The following RAD54B variants were observed in gnomAD, a reference collection of about 807,000 sequenced individuals.
RAD54B encodes RAD54 homolog B, also known as DNA repair and recombination protein RAD54B.
A neutral mutation model predicts 95.8 loss-of-function variants in RAD54B; 78 were observed. The ratio of observed to expected loss-of-function variants is 0.81; its 90% CI spans 0.68 to 0.98. RAD54B has a LOEUF of 0.98. Among genes scored for constraint, RAD54B ranks in the 50% least tolerant of loss-of-function variants. RAD54B has a pLI of 0.00. For missense variants in RAD54B, 957 were observed against 1,056.6 expected (o/e 0.91, Z 1.31); for synonymous variants, 328 against 354.9 (o/e 0.92, Z 0.85).
chr8:94,374,948 G>A (rs1188970463), intron 14 of RAD54B, among the ~76,000 whole-genome samples: 1 of 152,140 alleles, frequency 6.6e-6, no homozygotes, highest in Non-Finnish European at 1.5e-5. Flanking sequence ...TTCGTAATAA[G>A]AGAATAGCAA....
At chr8:94,395,014 T>G (rs1811110123) in intron 8 of RAD54B, among the ~76,000 whole-genome samples, 1 of 152,170 alleles carries the variant, frequency 6.6e-6, no homozygotes, top group Non-Finnish European at 1.5e-5. Context: ...ACATTTATGT[T>G]GGTATATATT....
chr8:94,421,954 C>T (rs758911151), intron 3 of RAD54B, among the ~76,000 whole-genome samples: 2 of 152,190 alleles, frequency 1.3e-5, no homozygotes, highest in Admixed American at 1.3e-4. Flanking sequence ...TGCTTAAAAT[C>T]CATGAGTCCT....
intron 2 of RAD54B, among the ~76,000 whole-genome samples, chr8:94,466,325 C>T (rs556447582): frequency 1.3e-5 from 2 of 152,172 alleles, no homozygotes; most frequent in African/African-American, 2.4e-5. Flanking sequence ...TATATACTAA[C>T]GCCTTTGATC....
intron 8 of RAD54B, among the ~76,000 whole-genome samples, chr8:94,394,407 AT>A (rs59691545): frequency 0.4 from 61,096 of 151,228 alleles, 12,435 homozygotes; most frequent in Admixed American, 0.51. Context: ...TAAACTCAGA[AT>A]TTTTTTTTTC....
intron 3 of RAD54B, chr8:94,431,833 A>G: frequency 9.6e-7 from 1 of 1,037,646 alleles, no homozygotes; most frequent in South Asian, 4.1e-5. Flanking sequence ...TTGAAAGAAT[A>G]TGTGTTTGTA....
At chr8:94,433,503 T>G (rs1812171905) in intron 3 of RAD54B, among the ~76,000 whole-genome samples, 1 of 152,094 alleles carries the variant, frequency 6.6e-6, no homozygotes, top group African/African-American at 2.4e-5. Context: ...ACAGATATAT[T>G]AAAGGTTTAT....
chr8:94,417,769 T>C (rs530271725), intron 3 of RAD54B, among the ~76,000 whole-genome samples: 1 of 152,344 alleles, frequency 6.6e-6, no homozygotes, highest in South Asian at 2.1e-4. Flanking sequence ...CCTGAAAATT[T>C]ATCACTACTA....
intron 8 of RAD54B, among the ~76,000 whole-genome samples, chr8:94,394,188 C>A (rs1218441457): frequency 3.9e-5 from 6 of 152,118 alleles, no homozygotes; most frequent in Non-Finnish European, 7.3e-5. Context: ...ATCACTTACT[C>A]CCTGAGTGAC....
intron 3 of RAD54B, among the ~76,000 whole-genome samples, chr8:94,440,051 G>A (rs1298635910): frequency 6.6e-6 from 1 of 152,088 alleles, no homozygotes; most frequent in East Asian, 1.9e-4. Context: ...ATGTTTTGGG[G>A]TAAAATATTT....
intron 1 of RAD54B, among the ~76,000 whole-genome samples, chr8:94,468,278 C>A (rs935690499): frequency 7.9e-5 from 12 of 152,172 alleles, no homozygotes; most frequent in African/African-American, 2.7e-4. Flanking sequence ...CCATTAGCTA[C>A]CCATTTTTCC....
At chr8:94,454,839 T>C (rs371755744) in intron 3 of RAD54B, among the ~76,000 whole-genome samples, 3 of 152,228 alleles carry the variant, frequency 2.0e-5, no homozygotes, top group African/African-American at 7.2e-5. Flanking sequence ...CTAACTTATC[T>C]GAGAATTTAT....
intron 3 of RAD54B, chr8:94,428,968 T>C: frequency 4.1e-6 from 4 of 982,704 alleles, no homozygotes; most frequent in Non-Finnish European, 4.8e-6. Flanking sequence ...TATACAGGAA[T>C]TCTCATAAAC....
intron 3 of RAD54B, among the ~76,000 whole-genome samples, chr8:94,422,549 T>C (rs1170364225): frequency 8.4e-6 from 1 of 118,610 alleles, no homozygotes; most frequent in East Asian, 2.9e-4. Flanking sequence ...AACATTCCAC[T>C]GGCACTCCAG....
chr8:94,429,724 T>C, intron 3 of RAD54B: 1 of 983,852 alleles, frequency 1.0e-6, no homozygotes, highest in Non-Finnish European at 1.2e-6. Context: ...GTCAAAAGGA[T>C]ATATCAAGTT....
At position 94,411,454 on chromosome 8, in the gene RAD54B, T is replaced by C. The variant is rs147498978; in HGVS notation, c.305-139A>G. 8.3e-4 allele frequency: 534 copies of C among 646,224 alleles called. 1 individual carries two copies. In the African/African-American group the frequency reaches 8.8e-3, roughly 11 times the overall value. The allele number at this position is 646,224 out of a possible 1,614,324, so 40.0% of individuals were successfully genotyped here. ...ATGAAAGAATATTTGATCATACTCA[T>C]GTTAGCATTTTATAAACTAAGAAAT... On this transcript the variant is annotated intron_variant, in intron 3 of 14. Coordinates refer to ENST00000336148, the MANE Select transcript of RAD54B (RefSeq NM_012415.3).
At chr8:94,469,214 T>C (rs773531661) in intron 1 of RAD54B, among the ~76,000 whole-genome samples, 1 of 152,138 alleles carries the variant, frequency 6.6e-6, no homozygotes, top group East Asian at 1.9e-4. Context: ...TGAACGGTGA[T>C]ACAGTTTGGC....
intron 3 of RAD54B, among the ~76,000 whole-genome samples, chr8:94,413,902 C>G (rs1400539533): frequency 2.1e-5 from 3 of 141,634 alleles, no homozygotes; most frequent in African/African-American, 8.0e-5. Flanking sequence ...GTGGTGTGAT[C>G]TCGGCTGACT....
intron 8 of RAD54B, among the ~76,000 whole-genome samples, chr8:94,398,647 T>C (rs921256373): frequency 6.6e-6 from 1 of 152,024 alleles, no homozygotes; most frequent in African/African-American, 2.4e-5. Context: ...AATAGGGGAA[T>C]TGTAAATATT....
At chr8:94,384,859 T>C (rs1810831273) in intron 11 of RAD54B, among the ~76,000 whole-genome samples, 1 of 152,044 alleles carries the variant, frequency 6.6e-6, no homozygotes, top group African/African-American at 2.4e-5. Context: ...TCCCAACACT[T>C]TGGGAGACTG....
Sources: gnomAD v4.1 joint callset for allele counts (sites outside exome capture counted in the v4.1 genomes callset) on GRCh38, gnomAD v4.1.1 for gene constraint, MANE v1.5 for transcripts, NCBI Gene and HGNC (gene_info 2026-07-23, HGNC 2026-07-21) for gene names.